RCSD1: variants seen among roughly 807,000 people sequenced by gnomAD.
RCSD1 encodes the protein capZ-interacting protein.
A neutral mutation model predicts 42.5 loss-of-function variants in RCSD1; 26 were observed. The ratio of observed to expected loss-of-function variants is 0.61; its 90% CI spans 0.45 to 0.85. The LOEUF (loss-of-function observed/expected upper bound fraction) is 0.85. RCSD1 is among the 40% of genes least tolerant of loss of function. The probability of loss-of-function intolerance (pLI) is 0.00; values close to 1 mark genes in which losing one functional copy is unlikely to be tolerated. For missense variants in RCSD1, 571 were observed against 528.3 expected (o/e 1.08, Z -0.79); for synonymous variants, 220 against 212.2 (o/e 1.04, Z -0.32).
intron 1 of RCSD1, among the ~76,000 whole-genome samples, chr1:167,653,368 T>C (rs891065640): frequency 6.6e-6 from 1 of 152,240 alleles, no homozygotes; most frequent in Non-Finnish European, 1.5e-5. Context: ...TCTGCTTTTA[T>C]GAAAGCAGTG....
intron 6 of RCSD1, among the ~76,000 whole-genome samples, chr1:167,703,589 A>T (rs1659691407): frequency 6.6e-6 from 1 of 152,154 alleles, no homozygotes; most frequent in African/African-American, 2.4e-5. Context: ...ATCAGTGACA[A>T]ATGCCTCTTC....
rs142797049 is a variant in RCSD1 at position 167,653,969 on chromosome 1, A to G, written c.6+23540A>G. On this transcript the variant is annotated intron_variant, in intron 1 of 6. Coordinates refer to ENST00000367854, the MANE Select transcript of RCSD1 (RefSeq NM_052862.4). ...CTGGAATTGGACTGCCAGGGTTGAA[A>G]CCCCAGCTCTGCTGCAGCTTTGTCA... is the stretch of plus-strand genomic sequence containing the variant. Among the ~76,000 whole-genome samples the G allele has an allele frequency of 1.8e-4, 28 of 151,986 alleles. No homozygotes were observed. In the East Asian group the frequency reaches 3.9e-3, roughly 21 times the overall value.
chr1:167,689,886 T>G (rs768380947), intron 3 of RCSD1, among the ~76,000 whole-genome samples, 163 bp from the exon 4 acceptor site: 24 of 152,064 alleles, frequency 1.6e-4, no homozygotes, highest in Admixed American at 1.3e-4. Context: ...AGGGGGAAAG[T>G]TCACGTCGCC....
At chr1:167,665,490 G>T (rs1044692754) in intron 1 of RCSD1, among the ~76,000 whole-genome samples, 3 of 152,206 alleles carry the variant, frequency 2.0e-5, no homozygotes, top group African/African-American at 7.2e-5. Flanking sequence ...AAGTAAGATT[G>T]TTGGTAGGTG....
At chr1:167,691,751 G>A (rs149933091) in intron 4 of RCSD1, among the ~76,000 whole-genome samples, 5 of 152,238 alleles carry the variant, frequency 3.3e-5, no homozygotes, top group Non-Finnish European at 7.3e-5. Context: ...ACCCTGTGGA[G>A]GGTGGGGAGG....
chr1:167,671,343 A>C (rs1260642573), intron 1 of RCSD1, among the ~76,000 whole-genome samples: 1 of 152,250 alleles, frequency 6.6e-6, no homozygotes, highest in Non-Finnish European at 1.5e-5. Context: ...CACAGCTAAC[A>C]ATTCTAAATC....
intron 1 of RCSD1, among the ~76,000 whole-genome samples, chr1:167,669,449 C>T (rs1658749479): frequency 6.6e-6 from 1 of 152,210 alleles, no homozygotes; most frequent in Admixed American, 6.5e-5. Context: ...TGAGAATGGG[C>T]CTGGGAACCA....
rs546539767 is a variant in RCSD1, at chr1:167,698,768, C to CTTTG, written c.1218+946_1218+949dup. ...TATCAGCTTCCTGCTACAGTAGCCT[C>CTTTG]TTTGTTTGTTTGTTTGTTTGTTTTT... On this transcript the variant is annotated intron_variant, in intron 6 of 6. Transcript: ENST00000367854. Among the ~76,000 whole-genome samples the CTTTG allele has an allele frequency of 4.7e-4, 71 of 151,762 alleles. No homozygotes were observed. The South Asian group carries it at 5.4e-3, about 12-fold the overall frequency.
At position 167,694,423 on chromosome 1, in the gene RCSD1, C is replaced by G. The variant is rs10800322; in HGVS notation, c.474+121C>G. On this transcript the variant is annotated intron_variant, in intron 5 of 6. Transcript: ENST00000367854. The stretch of plus-strand genomic sequence containing the variant: ...GAAACATTCGGAGTTACTGTCAGAG[C>G]TGCGTGTTAACCCAAGTGAAATTTC... The G allele has an allele frequency of 1.3e-5, 12 of 956,258 alleles. No individual in the cohort carries two copies. The East Asian group carries it at 3.2e-4, about 25-fold the overall frequency. 59.2% of individuals were successfully genotyped at this position (956,258 alleles called of 1,614,324 possible).
intron 1 of RCSD1, among the ~76,000 whole-genome samples, chr1:167,655,410 A>T (rs1417148876): frequency 6.6e-6 from 1 of 152,064 alleles, no homozygotes; most frequent in Non-Finnish European, 1.5e-5. Flanking sequence ...AGATATTTTT[A>T]ATTCCTCTAG....
At chr1:167,630,451 C>A (rs770730978) in intron 1 of RCSD1, 22 bp downstream of exon 1, 5 of 1,533,708 alleles carry the variant, frequency 3.3e-6, no homozygotes, top group Non-Finnish European at 4.4e-6. Flanking sequence ...CGGAGGGAGA[C>A]GCGGGGCTGA....
chr1:167,661,021 CTTG>C (rs1329547698), intron 1 of RCSD1, among the ~76,000 whole-genome samples: 1 of 152,210 alleles, frequency 6.6e-6, no homozygotes, highest in Admixed American at 6.5e-5. Context: ...GAAGTCCCTG[CTTG>C]ATCTTGACTA....
chr1:167,654,584 G>A (rs1658381400), intron 1 of RCSD1, among the ~76,000 whole-genome samples: 1 of 152,224 alleles, frequency 6.6e-6, no homozygotes, highest in African/African-American at 2.4e-5. Flanking sequence ...CTTTCTGGAA[G>A]GAGAGATTGA....
chr1:167,680,566 G>A (rs77366086), intron 1 of RCSD1, among the ~76,000 whole-genome samples: 4,240 of 152,076 alleles, frequency 0.028, 195 homozygotes, highest in African/African-American at 0.097. Flanking sequence ...CTGCAGCCTC[G>A]ACCAACTGGG....
In RCSD1 at chr1:167,695,186, C is replaced by A. The variant is rs543056667; in HGVS notation, c.474+884C>A. On this transcript the variant is annotated intron_variant, in intron 5 of 6. Coordinates refer to ENST00000367854, the MANE Select transcript of RCSD1 (RefSeq NM_052862.4). The stretch of plus-strand genomic sequence containing the variant: ...CCGGCTAGGGCCAGAGTGGAAGTCC[C>A]CCAGCCAGGGTGATGGAGACCCCTG... 1.5e-3 allele frequency among the ~76,000 whole-genome samples: 234 copies of A among 152,350 alleles called. 3 individuals are homozygous for A. The highest frequency in any genetic ancestry group is 5.6e-3 in the African/African-American group (233 of 41,578).
At chr1:167,697,062 G>T (rs1408829851) in intron 5 of RCSD1, 37 bp from the exon 6 acceptor site, 11 of 1,570,002 alleles carry the variant, frequency 7.0e-6, no homozygotes, top group Middle Eastern at 1.7e-4. Flanking sequence ...CTTTTTTTAT[G>T]AGTTTTTGGA....
rs1244182943 is a variant in RCSD1, at chr1:167,706,265, T to C, written c.*1569T>C. The C allele has an allele frequency of 2.6e-5, 4 of 152,222 alleles. No homozygotes were observed. The highest frequency in any genetic ancestry group is 9.6e-5 in the African/African-American group (4 of 41,454). The allele number at this position is 152,222 out of a possible 1,614,324, so 9.4% of individuals were successfully genotyped here. On this transcript the variant is annotated 3_prime_UTR_variant, in exon 7 of 7. Transcript: ENST00000367854. ...GAATTTGGGAGATGTGTGTGTCAAT[T>C]ATTTTGAGATCTATAAACTTGTCTG...
rs746670874 is a variant in RCSD1, at chr1:167,697,747, G to T, written c.1123G>T (p.Ala375Ser). 3.9e-6 allele frequency: 6 copies of T among 1,555,354 alleles called. 1 individual carries two copies. Among genetic ancestry groups the T allele is most frequent in the East Asian group, 4.6e-5 (2 of 43,618 alleles). The change falls in exon 6 of 7, where the codon GCA becomes TCA. Residue 375 changes from alanine to serine, a missense_variant. Ala to Ser is a moderately conservative substitution (Grantham distance 99). Transcript: ENST00000367854. The stretch of plus-strand genomic sequence containing the variant: ...AGGCAAGGAAAAACAACAGGAGGGG[G>T]CAGTGCTCGAGCCAGGCTGCAGCCC... Reference protein sequence around the residue: ...EKGKEKQQEGAVLEPGCSPQT... With the variant: ...EKGKEKQQEGSVLEPGCSPQT...
chr1:167,693,907 A>G (rs1458646527), intron 4 of RCSD1, among the ~76,000 whole-genome samples, 192 bp from the exon 5 acceptor site: 1 of 149,768 alleles, frequency 6.7e-6, no homozygotes, highest in Non-Finnish European at 1.5e-5. Flanking sequence ...CAGGTAGCAG[A>G]GGAGGATAGA....
Sources: allele counts gnomAD v4.1 joint callset (sites outside exome capture counted in the v4.1 genomes callset), GRCh38; gene constraint gnomAD v4.1.1; transcripts MANE v1.5; gene names NCBI Gene and HGNC (gene_info 2026-07-23, HGNC 2026-07-21).